The following PSMB2 variants were observed in gnomAD, a reference collection of about 807,000 sequenced individuals.
The protein encoded by PSMB2 is proteasome subunit beta type-2.
In PSMB2, 13 loss-of-function variants were observed where a neutral mutation model predicts 25.7. That is an observed-to-expected ratio of 0.51 (90% CI 0.33 to 0.80). The LOEUF is 0.80. PSMB2 is among the 30% of genes least tolerant of loss of function. The pLI is 0.02. For missense variants in PSMB2, 202 were observed against 259.0 expected, an observed-to-expected ratio of 0.78 and a Z score of 1.51; for synonymous variants, 87 against 96.2, an observed-to-expected ratio of 0.90 and a Z score of 0.56.
At chr1:35,617,739 A>C (rs1650538660) in intron 3 of PSMB2, among the ~76,000 whole-genome samples, 1 of 152,232 alleles carries the variant, frequency 6.6e-6, no homozygotes, top group South Asian at 2.1e-4. Context: ...ATACTGGTGA[A>C]CATGGGACAC....
At position 35,601,267 on chromosome 1, in the gene PSMB2, CA is replaced by C; in HGVS notation, c.*1999del. On this transcript the variant is annotated 3_prime_UTR_variant, in exon 6 of 6. Transcript: ENST00000373237. ...TATTTTTTTAGTAGAGATGGGGTTT[CA>C]CCATGTTGGCCAGGCTGGTCTTGAA... The C allele has an allele frequency of 1.4e-6, 1 of 691,266 alleles. No individual in the cohort carries two copies. Among genetic ancestry groups the C allele is most frequent in the Non-Finnish European group, 1.8e-6 (1 of 562,082 alleles). The allele number at this position is 691,266 out of a possible 1,614,324, so 42.8% of individuals were successfully genotyped here.
intron 5 of PSMB2, among the ~76,000 whole-genome samples, chr1:35,604,636 C>T (rs1650106807): frequency 6.6e-6 from 1 of 152,088 alleles, no homozygotes; most frequent in South Asian, 2.1e-4. Flanking sequence ...AAAAAACTAG[C>T]CGGGCATGGT....
At position 35,601,852 on chromosome 1, in the gene PSMB2, C is replaced by A. The variant is rs1319935852; in HGVS notation, c.*1415G>T. On this transcript the variant is annotated 3_prime_UTR_variant, in exon 6 of 6. Coordinates refer to ENST00000373237, the MANE Select transcript of PSMB2 (RefSeq NM_002794.5). ...GAACCACTGTTTTAATAGCTTTAAC[C>A]ACAAAACATCCACATTGTTCCCTAA... 3.0e-6 allele frequency: 3 copies of A among 985,262 alleles called. No homozygotes were observed. The highest frequency in any genetic ancestry group is 3.6e-6 in the Non-Finnish European group (3 of 829,932). The allele number at this position is 985,262 out of a possible 1,614,324, so 61.0% of individuals were successfully genotyped here.
At chr1:35,617,468 C>T (rs1388340670) in intron 3 of PSMB2, among the ~76,000 whole-genome samples, 3 of 152,198 alleles carry the variant, frequency 2.0e-5, no homozygotes, top group Non-Finnish European at 4.4e-5. Context: ...AACCAAATTC[C>T]ATGAGTTCCC....
chr1:35,607,417 GA>G (rs1650200520), intron 4 of PSMB2, among the ~76,000 whole-genome samples: 1 of 152,058 alleles, frequency 6.6e-6, no homozygotes, highest in Non-Finnish European at 1.5e-5. Context: ...CAAATATATG[GA>G]AAAAATTCTC....
chr1:35,629,630 G>A (rs916014676), intron 3 of PSMB2, among the ~76,000 whole-genome samples: 1 of 151,704 alleles, frequency 6.6e-6, no homozygotes, highest in African/African-American at 2.4e-5. Flanking sequence ...GCCACATGGT[G>A]AAATCCTGCC....
chr1:35,609,394 C>T lies in PSMB2; in HGVS notation c.300G>A (p.Val100=), dbSNP rs1413214710. The T allele has an allele frequency of 6.3e-7, 1 of 1,577,786 alleles. No individual in the cohort carries two copies. The highest frequency in any genetic ancestry group is 8.6e-7 in the Non-Finnish European group (1 of 1,159,368). The change falls in exon 4 of 6, where the codon GTG becomes GTA. Residue 100 remains valine (V), a synonymous_variant. Coordinates refer to ENST00000373237, the MANE Select transcript of PSMB2 (RefSeq NM_002794.5). ...DCLRSRTPYH[V]NLLLAGYDEH... is the part of the protein sequence containing the mutation. Reference sequence around the variant, plus strand: ...CATCATAGCCAGCCAGGAGGAGGTTCACATGATATGGGGTCTGCAAAGAAA... The same window carrying T: ...CATCATAGCCAGCCAGGAGGAGGTTTACATGATATGGGGTCTGCAAAGAAA...
chr1:35,632,966 C>A (rs1313938633), intron 2 of PSMB2, among the ~76,000 whole-genome samples: 1 of 151,870 alleles, frequency 6.6e-6, no homozygotes, highest in African/African-American at 2.4e-5. Context: ...ACCTGTAATC[C>A]CAGAACACTT....
chr1:35,616,719 T>C (rs1437026183), intron 3 of PSMB2, among the ~76,000 whole-genome samples: 1 of 152,236 alleles, frequency 6.6e-6, no homozygotes, highest in Non-Finnish European at 1.5e-5. Flanking sequence ...TCAATTTCAC[T>C]AATAAATAAA....
At chr1:35,627,453 C>T (rs57857466) in intron 3 of PSMB2, among the ~76,000 whole-genome samples, 14 of 151,884 alleles carry the variant, frequency 9.2e-5, no homozygotes, top group African/African-American at 2.4e-4. Flanking sequence ...CCCAGGAGTT[C>T]GGGACCAGCC....
chr1:35,626,439 G>T (rs947608771), intron 3 of PSMB2, among the ~76,000 whole-genome samples: 1 of 152,184 alleles, frequency 6.6e-6, no homozygotes, highest in Middle Eastern at 3.2e-3. Flanking sequence ...CTAGCTGGAT[G>T]ACACTTTTTC....
intron 3 of PSMB2, 105 bp from the exon 4 acceptor site, chr1:35,609,513 G>T: frequency 9.5e-7 from 1 of 1,049,946 alleles, no homozygotes. Flanking sequence ...GAAAATATTA[G>T]CAGCAACTGA....
rs1320990428 is a variant in PSMB2 at position 35,600,045 on chromosome 1, A to G, written c.*3222T>C. On this transcript the variant is annotated 3_prime_UTR_variant, in exon 6 of 6. Transcript: ENST00000373237. ...CAGCTAGTTGGGAGGCTGGGGTAAGAGGTTCACTTGAGCCCAGGAGTTCAA... is the reference window on the plus strand; with the variant it reads ...CAGCTAGTTGGGAGGCTGGGGTAAGGGGTTCACTTGAGCCCAGGAGTTCAA... The G allele has an allele frequency of 1.6e-6, 1 of 636,122 alleles. No homozygotes were observed. The highest frequency in any genetic ancestry group is 2.0e-6 in the Non-Finnish European group (1 of 511,190). 39.4% of individuals were successfully genotyped at this position (636,122 alleles called of 1,614,324 possible). A position where few individuals can be genotyped will look rare whatever the true frequency, so the allele number is the denominator to read the frequency against.
intron 3 of PSMB2, among the ~76,000 whole-genome samples, chr1:35,622,038 G>A (rs148489593): frequency 8.2e-4 from 125 of 152,200 alleles, no homozygotes; most frequent in Middle Eastern, 3.4e-3. Flanking sequence ...ATGGTATAGC[G>A]AATGAACATA....
intron 3 of PSMB2, among the ~76,000 whole-genome samples, chr1:35,615,212 A>G (rs1212351228): frequency 6.6e-6 from 1 of 152,216 alleles, no homozygotes; most frequent in African/African-American, 2.4e-5. Context: ...TTGGTTACTA[A>G]AAGATCAAAT....
rs559082410 is a variant in PSMB2, at chr1:35,621,453, C to T, written c.285+9821G>A. On this transcript the variant is annotated intron_variant, in intron 3 of 5. Coordinates refer to ENST00000373237, the MANE Select transcript of PSMB2 (RefSeq NM_002794.5). Reference sequence around the variant, plus strand: ...TATGGAACATCCTGGCTGTAAGAAACCACATCCATCAGGAAGCGTCAGAAA... The same window carrying T: ...TATGGAACATCCTGGCTGTAAGAAATCACATCCATCAGGAAGCGTCAGAAA... Among the ~76,000 whole-genome samples the T allele has an allele frequency of 3.9e-5, 6 of 152,276 alleles. No homozygotes were observed. The South Asian group carries it at 6.2e-4, about 16-fold the overall frequency.
chr1:35,629,297 T>C (rs1381231326), intron 3 of PSMB2, among the ~76,000 whole-genome samples: 3 of 152,236 alleles, frequency 2.0e-5, no homozygotes, highest in Admixed American at 2.0e-4. Context: ...TCTATTTATT[T>C]AGTCCCTGTG....
At chr1:35,621,487 T>C (rs1481840531) in intron 3 of PSMB2, among the ~76,000 whole-genome samples, 1 of 152,204 alleles carries the variant, frequency 6.6e-6, no homozygotes, top group Non-Finnish European at 1.5e-5. Flanking sequence ...AAAGGAAGTG[T>C]AGAATTCTGC....
chr1:35,619,522 T>C (rs890758830), intron 3 of PSMB2, among the ~76,000 whole-genome samples: 2 of 152,202 alleles, frequency 1.3e-5, no homozygotes, highest in African/African-American at 4.8e-5. Context: ...GGAATTCAAG[T>C]GCTCACTCGT....
Sources: gnomAD v4.1 joint callset for allele counts (sites outside exome capture counted in the v4.1 genomes callset) on GRCh38, gnomAD v4.1.1 for gene constraint, MANE v1.5 for transcripts, NCBI Gene and HGNC (gene_info 2026-07-23, HGNC 2026-07-21) for gene names.